Variants in SNAPC3 observed in about 807,000 individuals in gnomAD.
The protein encoded by SNAPC3 is small nuclear RNA activating complex polypeptide 3, also known as snRNA-activating protein complex subunit 3.
A neutral mutation model predicts 47.7 loss-of-function variants in SNAPC3; 56 were observed. The ratio of observed to expected loss-of-function variants is 1.18; its 90% CI spans 0.95 to 1.47. The LOEUF is 1.47. Ranked by LOEUF, SNAPC3 falls within the 40% of genes most tolerant of loss-of-function variation. SNAPC3 has a pLI of 0.00. For missense variants in SNAPC3, 665 were observed against 511.3 expected, an observed-to-expected ratio of 1.30 and a Z score of -2.90; for synonymous variants, 235 against 189.9, an observed-to-expected ratio of 1.24 and a Z score of -1.95.
intron 2 of SNAPC3, among the ~76,000 whole-genome samples, chr9:15,429,132 A>G (rs959196687): frequency 1.3e-5 from 2 of 152,230 alleles, no homozygotes; most frequent in African/African-American, 4.8e-5. Flanking sequence ...TACAAAGGCA[A>G]ACTTACAAAA....
At position 15,423,038 on chromosome 9, in the gene SNAPC3, C is replaced by T; in HGVS notation, c.159C>T (p.Gly53=). 1 of 1,517,908 alleles carries T rather than the reference C, an allele frequency of 6.6e-7. No homozygotes were observed. The highest frequency in any genetic ancestry group is 8.8e-7 in the Non-Finnish European group (1 of 1,139,548). 94.0% of individuals were successfully genotyped at this position (1,517,908 alleles called of 1,614,324 possible). A position where few individuals can be genotyped will look rare whatever the true frequency, so the allele number is the denominator to read the frequency against. Reference sequence around the variant, plus strand: ...GCGCCTTTGGGGAGCTGTGGCGGGGCCGTCTGCGCGGGGCCGGGGACTTGT... The same window carrying T: ...GCGCCTTTGGGGAGCTGTGGCGGGGTCGTCTGCGCGGGGCCGGGGACTTGT... ...HVGAFGELWR[G]RLRGAGDLSL... is the part of the protein sequence containing the mutation. The change falls in exon 1 of 9, where the codon GGC becomes GGT. Residue 53 remains glycine, a synonymous_variant. Coordinates refer to ENST00000380821, the MANE Select transcript of SNAPC3 (RefSeq NM_001039697.2).
intron 3 of SNAPC3, among the ~76,000 whole-genome samples, chr9:15,438,558 T>C (rs1017289419): frequency 6.6e-5 from 10 of 152,164 alleles, no homozygotes; most frequent in Admixed American, 3.9e-4. Flanking sequence ...GATTGTTCTT[T>C]TATATAAAGT....
intron 3 of SNAPC3, among the ~76,000 whole-genome samples, chr9:15,440,058 C>G (rs2033186727): frequency 6.6e-6 from 1 of 152,202 alleles, no homozygotes; most frequent in Non-Finnish European, 1.5e-5. Flanking sequence ...TTCAAATACT[C>G]TGCTTCCACA....
chr9:15,454,666 G>A (rs972733900), intron 7 of SNAPC3, among the ~76,000 whole-genome samples: 4 of 152,186 alleles, frequency 2.6e-5, no homozygotes, highest in Admixed American at 6.5e-5. Context: ...GGCCAGGCCC[G>A]GTGGCTCACG....
At chr9:15,439,198 A>G (rs532501033) in intron 3 of SNAPC3, among the ~76,000 whole-genome samples, 1 of 152,236 alleles carries the variant, frequency 6.6e-6, no homozygotes, top group African/African-American at 2.4e-5. Flanking sequence ...TTTTGTAGAG[A>G]TGGCGTTTTG....
At chr9:15,463,072 TTAATTA>T (rs1474327600), downstream of SNAPC3, 2 of 152,106 alleles carry the variant, frequency 1.3e-5, no homozygotes, top group Non-Finnish European at 2.9e-5. Flanking sequence ...GGATATAATA[TTAATTA>T]TAAAGTGTAT....
chr9:15,454,565 A>G (rs1050125081), intron 7 of SNAPC3, among the ~76,000 whole-genome samples: 1 of 152,220 alleles, frequency 6.6e-6, no homozygotes, highest in African/African-American at 2.4e-5. Flanking sequence ...CTGGGAGGAA[A>G]AATAGAACTG....
chr9:15,428,624 A>G (rs981854492), intron 2 of SNAPC3, among the ~76,000 whole-genome samples: 5 of 152,128 alleles, frequency 3.3e-5, no homozygotes, highest in African/African-American at 1.2e-4. Flanking sequence ...TTTTAAAACT[A>G]TTAATAAGAA....
At chr9:15,440,812 G>C (rs925963273) in intron 3 of SNAPC3, among the ~76,000 whole-genome samples, 2 of 152,158 alleles carry the variant, frequency 1.3e-5, no homozygotes, top group African/African-American at 4.8e-5. Flanking sequence ...AGCTGGGCGC[G>C]GTGGCGAGTG....
Position 15,455,439 on chromosome 9 carries a change from C to T in SNAPC3, c.980+2234C>T, listed in dbSNP as rs552263138. Among the ~76,000 whole-genome samples the T allele has an allele frequency of 7.9e-5, 12 of 152,116 alleles. No homozygotes were observed. In the South Asian group the frequency reaches 2.3e-3, roughly 29 times the overall value. On this transcript the variant is annotated intron_variant, in intron 7 of 8. Coordinates refer to ENST00000380821, the MANE Select transcript of SNAPC3 (RefSeq NM_001039697.2). Reference sequence around the variant, plus strand: ...AAAATTAGCCAGGTGTGGTGATGGGCGTCTGTAGTCCCAGCTACTTGGGAG... The same window carrying T: ...AAAATTAGCCAGGTGTGGTGATGGGTGTCTGTAGTCCCAGCTACTTGGGAG...
intron 2 of SNAPC3, among the ~76,000 whole-genome samples, chr9:15,425,360 G>A (rs754577697): frequency 1.3e-5 from 2 of 152,050 alleles, no homozygotes; most frequent in African/African-American, 2.4e-5. Flanking sequence ...TGGGATTACC[G>A]GTGCCTGCAC....
chr9:15,442,405 C>T (rs2033522698), intron 3 of SNAPC3, among the ~76,000 whole-genome samples: 1 of 151,906 alleles, frequency 6.6e-6, no homozygotes, highest in Non-Finnish European at 1.5e-5. Context: ...GGGCTCCTCA[C>T]CTCCCAGACG....
At chr9:15,451,581 C>T (rs1328303258) in intron 6 of SNAPC3, among the ~76,000 whole-genome samples, 179 bp downstream of exon 6, 1 of 152,148 alleles carries the variant, frequency 6.6e-6, no homozygotes, top group African/African-American at 2.4e-5. Flanking sequence ...GTCCCAGCCA[C>T]TCCGGAGGCT....
chr9:15,451,609 TGAGGCCA>T (rs1418405132), intron 6 of SNAPC3, among the ~76,000 whole-genome samples: 1 of 152,170 alleles, frequency 6.6e-6, no homozygotes, highest in Non-Finnish European at 1.5e-5. Flanking sequence ...GAGAATCTTT[TGAGGCCA>T]AGAGTTCAAG....
intron 6 of SNAPC3, among the ~76,000 whole-genome samples, chr9:15,452,660 C>G (rs2034480288): frequency 6.6e-6 from 1 of 152,182 alleles, no homozygotes; most frequent in Admixed American, 6.5e-5. Flanking sequence ...CCCCAATGAG[C>G]TACTGCTTAT....
At chr9:15,455,278 T>A (rs2034690135) in intron 7 of SNAPC3, among the ~76,000 whole-genome samples, 1 of 152,044 alleles carries the variant, frequency 6.6e-6, no homozygotes, top group Non-Finnish European at 1.5e-5. Flanking sequence ...TAAAATTTTA[T>A]ATCAGCAGCC....
At chr9:15,441,383 C>CTTTTTTTTTTTTTTTTTT (rs77103785) in intron 3 of SNAPC3, among the ~76,000 whole-genome samples, 8 of 59,562 alleles carry the variant, frequency 1.3e-4, no homozygotes, top group African/African-American at 3.1e-4. Flanking sequence ...GTTCCCTTTT[C>CTTTTTTTTTTTTTTTTTT]TTTTTTTTTT....
At chr9:15,464,789 A>C (rs1563860831), downstream of SNAPC3, 1 of 206,392 alleles carries the variant, frequency 4.8e-6, no homozygotes, top group Non-Finnish European at 9.9e-6. Flanking sequence ...ATTCCTATAT[A>C]TACCCAGTCA....
At chr9:15,463,184 A>G (rs574105449), downstream of SNAPC3, 15 of 147,008 alleles carry the variant, frequency 1.0e-4, no homozygotes, top group African/African-American at 2.3e-4. Context: ...AAAACCTTCA[A>G]TGGTCAGTTC....
Sources: gnomAD v4.1 joint callset for allele counts (sites outside exome capture counted in the v4.1 genomes callset) on GRCh38, gnomAD v4.1.1 for gene constraint, MANE v1.5 for transcripts, NCBI Gene and HGNC (gene_info 2026-07-23, HGNC 2026-07-21) for gene names.